The following PARP6 variants were observed in gnomAD, a reference collection of about 807,000 sequenced individuals.
PARP6 encodes the protein protein mono-ADP-ribosyltransferase PARP6.
Under a neutral mutation model 92.0 loss-of-function variants are expected in PARP6, and 27 were observed. The ratio of observed to expected loss-of-function variants is 0.29; its 90% CI spans 0.22 to 0.40. The LOEUF (loss-of-function observed/expected upper bound fraction) is 0.40, where lower values mean the gene tolerates loss of function less well. Among genes scored for constraint, PARP6 ranks in the 10% least tolerant of loss-of-function variants. PARP6 has a pLI of 1.00. For missense variants in PARP6, 501 were observed against 784.5 expected (o/e 0.64, Z 4.32); for synonymous variants, 272 against 281.2 (o/e 0.97, Z 0.33).
At chr15:72,250,811 ACC>A in intron 18 of PARP6, 32 bp downstream of exon 18, 1 of 957,984 alleles carries the variant, frequency 1.0e-6, no homozygotes, top group Non-Finnish European at 1.6e-6. Context: ...CCGCCCCCTC[ACC>A]ACCCCCACTG....
intron 5 of PARP6, among the ~76,000 whole-genome samples, chr15:72,265,684 C>T (rs2086489938): frequency 6.6e-6 from 1 of 152,194 alleles, no homozygotes; most frequent in Non-Finnish European, 1.5e-5. Flanking sequence ...AAAGGTGAAA[C>T]TACTGGCCCA....
chr15:72,257,161 T>C (rs2141007704), intron 13 of PARP6, among the ~76,000 whole-genome samples, 187 bp downstream of exon 13: 1 of 152,374 alleles, frequency 6.6e-6, no homozygotes, highest in South Asian at 2.1e-4. Flanking sequence ...TCTAACGATA[T>C]CCCATAATTT....
In PARP6 at chr15:72,241,381, T is replaced by C; in HGVS notation, c.*74A>G. On this transcript the variant is annotated 3_prime_UTR_variant, in exon 24 of 24. Transcript: ENST00000569795. This position sits in a 1 kb window ranked among gnomAD's most constrained non-coding sequence, Gnocchi z 4.1. Reference sequence around the variant, plus strand: ...CTTGATTCCTCAGGGCAGCCTCAGCTGCTGTACCTGAACACTTTTATGAGG... The same window carrying C: ...CTTGATTCCTCAGGGCAGCCTCAGCCGCTGTACCTGAACACTTTTATGAGG... The C allele has an allele frequency of 9.6e-7, 1 of 1,040,524 alleles. No homozygotes were observed. Among genetic ancestry groups the C allele is most frequent in the Non-Finnish European group, 1.5e-6 (1 of 663,870 alleles). The allele number at this position is 1,040,524 out of a possible 1,614,324, so 64.5% of individuals were successfully genotyped here.
At chr15:72,245,393 AT>A (rs1458971156) in intron 20 of PARP6, 5 of 150,860 alleles carry the variant, frequency 3.3e-5, no homozygotes, top group African/African-American at 1.2e-4. Context: ...ACAAAAACAA[AT>A]AAAAACCTGC....
chr15:72,268,623 G>A (rs1389359690), intron 2 of PARP6, among the ~76,000 whole-genome samples: 4 of 152,138 alleles, frequency 2.6e-5, no homozygotes, highest in Non-Finnish European at 5.9e-5. Flanking sequence ...GCTTGAATCC[G>A]GGAGGCGGAG....
intron 11 of PARP6, among the ~76,000 whole-genome samples, chr15:72,259,353 CAT>C (rs1439522377): frequency 6.6e-6 from 1 of 152,224 alleles, no homozygotes; most frequent in African/African-American, 2.4e-5. Context: ...CATCTCATGT[CAT>C]ATGAGTCTCG....
chr15:72,260,945 T>G (rs774368956), intron 9 of PARP6, among the ~76,000 whole-genome samples: 7 of 152,116 alleles, frequency 4.6e-5, no homozygotes, highest in Admixed American at 3.9e-4. Flanking sequence ...GATAGGTTAT[T>G]ATGTTTCTAA....
At chr15:72,257,038 C>T (rs1164387168) in intron 13 of PARP6, among the ~76,000 whole-genome samples, 2 of 152,064 alleles carry the variant, frequency 1.3e-5, no homozygotes, top group South Asian at 2.1e-4. Context: ...CCACTGTGCT[C>T]GGCCCTTTAT....
Position 72,242,207 on chromosome 15 carries a change from T to G in PARP6, c.1655A>C (p.Gln552Pro). 3 of 1,614,098 alleles carry G rather than the reference T, an allele frequency of 1.9e-6. No individual in the cohort carries two copies. Among genetic ancestry groups the G allele is most frequent in the Non-Finnish European group, 1.7e-6 (2 of 1,179,958 alleles). Residue 552 changes from glutamine to proline, a missense_variant, in exon 22 of 24, where the codon CAG becomes CCG. Physicochemically the swap from Gln to Pro is moderately conservative, Grantham distance 76 (BLOSUM62 -1). Around this residue, in one of 4 missense-constraint regions of PARP6, gnomAD observed 191 missense variants for 399.1 expected, o/e 0.48. Coordinates refer to ENST00000569795, the MANE Select transcript of PARP6 (RefSeq NM_001323532.2). This position sits in a 1 kb window ranked among gnomAD's most constrained non-coding sequence, Gnocchi z 4.3. ...MNTIPQTRSI[Q>P]SRFLQSRNLN... ...ATTCCGACTCTGCAGGAACCGTGAC[T>G]GAATGGATCGGGTCTGGAAGAGAAG...
chr15:72,265,782 T>A, intron 5 of PARP6, 115 bp downstream of exon 5: 1 of 742,574 alleles, frequency 1.3e-6, no homozygotes. Flanking sequence ...GCATTTTCTA[T>A]CATTAAGTTC....
chr15:72,265,151 C>T lies in PARP6; in HGVS notation c.258G>A (p.Trp86Ter). 6.2e-7 allele frequency: 1 copy of T among 1,612,396 alleles called. No homozygotes were observed. The highest frequency in any genetic ancestry group is 8.5e-7 in the Non-Finnish European group (1 of 1,178,586). The change falls in exon 7 of 24, where the codon TGG becomes TGA. Residue 86 changes from tryptophan to a stop codon, truncating the protein, a stop_gained. Coordinates refer to ENST00000569795, the MANE Select transcript of PARP6 (RefSeq NM_001323532.2). LOFTEE classifies it high-confidence loss of function. ...CAATAGGTTCTGTCCGGAGGACCTTCCAGGCTGTAGAGACTTCCTCCTAAA... is the reference window on the plus strand; with the variant it reads ...CAATAGGTTCTGTCCGGAGGACCTTTCAGGCTGTAGAGACTTCCTCCTAAA... ...SFLDEEVSTA[W>*]KVLRTEPIVL...
chr15:72,255,858 A>T (rs1277518007), intron 14 of PARP6, among the ~76,000 whole-genome samples: 4 of 137,808 alleles, frequency 2.9e-5, no homozygotes, highest in Non-Finnish European at 6.1e-5. Flanking sequence ...GTGCAGTAGT[A>T]CAATCTCGGC....
chr15:72,267,755 CA>C, intron 2 of PARP6, 84 bp from the exon 3 acceptor site: 1 of 384,304 alleles, frequency 2.6e-6, no homozygotes, highest in Non-Finnish European at 4.7e-6. Context: ...TTTATCAATA[CA>C]CTTTTTTTTT....
At chr15:72,268,527 C>T (rs1192549159) in intron 2 of PARP6, among the ~76,000 whole-genome samples, 1 of 152,192 alleles carries the variant, frequency 6.6e-6, no homozygotes, top group Non-Finnish European at 1.5e-5. Flanking sequence ...GGTGAAACCC[C>T]GTCTCTACCA....
chr15:72,268,576 C>CGAT (rs1011771347), intron 2 of PARP6, among the ~76,000 whole-genome samples: 1 of 152,142 alleles, frequency 6.6e-6, no homozygotes, highest in Non-Finnish European at 1.5e-5. Context: ...CGTGCGCTTA[C>CGAT]GATCCCAGCT....
At chr15:72,265,837 C>G in intron 5 of PARP6, 60 bp downstream of exon 5, 1 of 1,139,320 alleles carries the variant, frequency 8.8e-7, no homozygotes, top group Non-Finnish European at 1.3e-6. Context: ...AACCTCTAGC[C>G]TTTTAACAAC....
intron 3 of PARP6, chr15:72,267,090 A>C: frequency 1.9e-6 from 1 of 518,778 alleles, no homozygotes; most frequent in Non-Finnish European, 3.5e-6. Context: ...ATGATGACTG[A>C]GAGGCTCTGG....
At chr15:72,264,323 G>A (rs1432012904) in intron 8 of PARP6, among the ~76,000 whole-genome samples, 1 of 152,204 alleles carries the variant, frequency 6.6e-6, no homozygotes, top group Non-Finnish European at 1.5e-5. Context: ...GTAGTGATGA[G>A]CCTCTTTTAT....
At chr15:72,256,625 A>G in intron 13 of PARP6, 35 bp from the exon 14 acceptor site, 1 of 1,470,610 alleles carries the variant, frequency 6.8e-7, no homozygotes, top group Non-Finnish European at 9.0e-7. Context: ...GGCAGAAGCT[A>G]AATGATTTCC....
Sources: allele counts gnomAD v4.1 joint callset (sites outside exome capture counted in the v4.1 genomes callset), GRCh38; gene constraint gnomAD v4.1.1; regional missense constraint gnomAD v4.1.1; non-coding constraint Gnocchi (gnomAD v3.1); transcripts MANE v1.5; gene names NCBI Gene and HGNC (gene_info 2026-07-23, HGNC 2026-07-21).